RBPJ: variants seen among roughly 807,000 people sequenced by gnomAD.
RBPJ encodes recombination signal binding protein for immunoglobulin kappa J region, also known as recombining binding protein suppressor of hairless.
RBPJ carries 9 observed loss-of-function variants against 67.8 expected under a neutral mutation model. That is an observed-to-expected ratio of 0.13 (90% CI 0.08 to 0.23). RBPJ has a LOEUF of 0.23. Ranked by LOEUF, RBPJ falls within the 10% of genes least tolerant of loss-of-function variation. RBPJ has a pLI of 1.00. For missense variants in RBPJ, 305 were observed against 595.6 expected, an observed-to-expected ratio of 0.51 and a Z score of 5.08; for synonymous variants, 198 against 203.3, an observed-to-expected ratio of 0.97 and a Z score of 0.22.
chr4:26,220,043 G>A (rs372401022), intron 1 of RBPJ, among the ~76,000 whole-genome samples: 5 of 151,772 alleles, frequency 3.3e-5, no homozygotes, highest in African/African-American at 7.3e-5. Flanking sequence ...TTGGCCTCCC[G>A]AAGTGCTGGG....
At chr4:26,176,423 G>A (rs377508136) in intron 1 of RBPJ, among the ~76,000 whole-genome samples, 13 of 152,222 alleles carry the variant, frequency 8.5e-5, no homozygotes, top group African/African-American at 2.7e-4. Context: ...TTGATGGGAT[G>A]CTAATGGGGG....
chr4:26,165,518 T>C (rs1716239452), intron 1 of RBPJ, among the ~76,000 whole-genome samples: 1 of 152,168 alleles, frequency 6.6e-6, no homozygotes, highest in Non-Finnish European at 1.5e-5. Flanking sequence ...AAATGGATTA[T>C]GAATAAATGT....
chr4:26,385,240 C>G (rs532699448), intron 1 of RBPJ, among the ~76,000 whole-genome samples: 1 of 151,596 alleles, frequency 6.6e-6, no homozygotes, highest in African/African-American at 2.4e-5. Context: ...AGGCTGGTCT[C>G]GAACTCCTGA....
chr4:26,168,372 C>A (rs1450844153), intron 1 of RBPJ, among the ~76,000 whole-genome samples: 5 of 152,286 alleles, frequency 3.3e-5, no homozygotes, highest in Non-Finnish European at 5.9e-5. Context: ...GTTGTAAATT[C>A]TTTTCTTTAA....
chr4:26,422,116 A>G (rs13114911), intron 5 of RBPJ, among the ~76,000 whole-genome samples: 76,746 of 151,962 alleles, frequency 0.51, 20,672 homozygotes, highest in Admixed American at 0.62. Flanking sequence ...CTTACTTTCC[A>G]TGAACTGGTG....
intron 4 of RBPJ, 66 bp downstream of exon 4, chr4:26,415,706 A>G (rs1734516534): frequency 7.0e-7 from 1 of 1,434,472 alleles, no homozygotes; most frequent in African/African-American, 1.4e-5. Context: ...TTTCATATTC[A>G]TTTTTGTGGT....
At chr4:26,152,311 T>C in the RBPJ span, among the ~76,000 whole-genome samples, 3 of 152,190 alleles carry the variant, frequency 2.0e-5, no homozygotes, top group Non-Finnish European at 2.9e-5. Flanking sequence ...CCACGTAGAC[T>C]GGCAATGTTC....
intron 1 of RBPJ, among the ~76,000 whole-genome samples, chr4:26,280,622 A>T (rs1721244254): frequency 6.6e-6 from 1 of 152,182 alleles, no homozygotes; most frequent in South Asian, 2.1e-4. Context: ...ATAATGAAAA[A>T]GTTCTGGAAA....
chr4:26,179,344 C>G (rs1716902298), intron 1 of RBPJ, among the ~76,000 whole-genome samples: 1 of 150,950 alleles, frequency 6.6e-6, no homozygotes, highest in Non-Finnish European at 1.5e-5. Context: ...TCAGATTCCC[C>G]AAAGAGTTAC....
At chr4:26,115,447 C>T in the RBPJ span, among the ~76,000 whole-genome samples, 1 of 151,854 alleles carries the variant, frequency 6.6e-6, no homozygotes, top group African/African-American at 2.4e-5. Context: ...TGCAGTGGCG[C>T]GATCTCAGCT....
chr4:26,287,595 G>A (rs1432292941), intron 1 of RBPJ, among the ~76,000 whole-genome samples: 20 of 2,552 alleles, frequency 7.8e-3, no homozygotes, highest in East Asian at 0.06. Context: ...AGAGGAGAGG[G>A]GAGGGGAGGG....
intron 1 of RBPJ, among the ~76,000 whole-genome samples, chr4:26,248,165 C>T (rs1363935949): frequency 6.6e-6 from 1 of 152,008 alleles, no homozygotes; most frequent in Non-Finnish European, 1.5e-5. Context: ...GTGGCACACA[C>T]CTGTAGTCCT....
intron 1 of RBPJ, among the ~76,000 whole-genome samples, chr4:26,261,558 CAAATG>C (rs1286276591): frequency 6.6e-6 from 1 of 152,040 alleles, no homozygotes; most frequent in African/African-American, 2.4e-5. Flanking sequence ...AAAATTATTC[CAAATG>C]AAATCAGTTT....
chr4:26,155,294 A>G, the RBPJ span, among the ~76,000 whole-genome samples: 2 of 152,176 alleles, frequency 1.3e-5, no homozygotes, highest in East Asian at 1.9e-4. Context: ...CGCCATTTCC[A>G]TCTTCTTCTT....
At chr4:26,382,518 G>A (rs1390673778) in intron 1 of RBPJ, among the ~76,000 whole-genome samples, 1 of 152,060 alleles carries the variant, frequency 6.6e-6, no homozygotes, top group Non-Finnish European at 1.5e-5. Context: ...TTGTGACCTC[G>A]GAATTATGTA....
chr4:26,205,687 G>A (rs893233683), intron 1 of RBPJ, among the ~76,000 whole-genome samples: 3 of 152,116 alleles, frequency 2.0e-5, no homozygotes, highest in Admixed American at 1.3e-4. Flanking sequence ...CCACCTCCCA[G>A]GTTAAAGCAA....
At position 26,218,851 on chromosome 4, in the gene RBPJ, C is replaced by T. The variant is rs577124915; in HGVS notation, c.-167+55237C>T. On this transcript the variant is annotated intron_variant, in intron 1 of 4. Coordinates refer to the RBPJ transcript ENST00000512351. ...GCACAGAGCCACGTGGAGCCAGGGC[C>T]CTAACGAGAAACAGGCCTCAGCACT... is the stretch of plus-strand genomic sequence containing the variant. Among the ~76,000 whole-genome samples the T allele has an allele frequency of 3.2e-4, 49 of 152,166 alleles. No individual in the cohort carries two copies. The South Asian group carries it at 9.7e-3, about 30-fold the overall frequency.
rs151221119 is a variant in RBPJ at position 26,269,649 on chromosome 4, G to C, written c.-166-92797G>C. 5.1e-3 allele frequency among the ~76,000 whole-genome samples: 774 copies of C among 152,232 alleles called. 2 individuals carry two copies. The highest frequency in any genetic ancestry group is 0.01 in the Middle Eastern group (3 of 294). ...ACCGGACTTCACCTGCTCAAAGACA[G>C]GGACTCTGTCTCAATTCATTCTTAC... On this transcript the variant is annotated intron_variant, in intron 1 of 4. Coordinates refer to the RBPJ transcript ENST00000512351.
intron 1 of RBPJ, among the ~76,000 whole-genome samples, chr4:26,234,760 T>G (rs185690417): frequency 9.7e-4 from 147 of 152,294 alleles, no homozygotes; most frequent in African/African-American, 3.4e-3. Context: ...TGGTGAGATC[T>G]AGGCTCACTG....
Sources: gnomAD v4.1 joint callset for allele counts (sites outside exome capture counted in the v4.1 genomes callset) on GRCh38, gnomAD v4.1.1 for gene constraint, MANE v1.5 for transcripts, NCBI Gene and HGNC (gene_info 2026-07-23, HGNC 2026-07-21) for gene names.